The following NECAB1 variants were observed in gnomAD, a reference collection of about 807,000 sequenced individuals.
The protein encoded by NECAB1 is N-terminal EF-hand calcium binding protein 1, also known as N-terminal EF-hand calcium-binding protein 1.
NECAB1 carries 29 observed loss-of-function variants against 57.5 expected under a neutral mutation model. The observed-to-expected ratio is 0.50, with a 90% CI of 0.38 to 0.69. The LOEUF is 0.69. Ranked by LOEUF, NECAB1 falls within the 30% of genes least tolerant of loss-of-function variation. NECAB1 has a pLI of 0.00. For synonymous variants in NECAB1, 142 were observed against 147.7 expected (o/e 0.96, Z 0.28); for missense variants, 372 against 413.8 (o/e 0.90, Z 0.88).
At chr8:90,800,670 A>G (rs1047957395) in intron 1 of NECAB1, among the ~76,000 whole-genome samples, 3 of 152,218 alleles carry the variant, frequency 2.0e-5, no homozygotes, top group Non-Finnish European at 4.4e-5. Flanking sequence ...TCCAATAACA[A>G]AACGAATGAC....
intron 5 of NECAB1, among the ~76,000 whole-genome samples, chr8:90,888,959 G>A (rs939134821): frequency 3.3e-5 from 5 of 152,096 alleles, no homozygotes; most frequent in African/African-American, 7.2e-5. Flanking sequence ...TTTCTGTTAT[G>A]GATCATACTC....
intron 5 of NECAB1, among the ~76,000 whole-genome samples, chr8:90,885,696 A>AT (rs977066786): frequency 1.9e-4 from 29 of 151,876 alleles, no homozygotes; most frequent in African/African-American, 4.6e-4. Flanking sequence ...TTCTCGTTTA[A>AT]TTTTTTTTTA....
intron 3 of NECAB1, among the ~76,000 whole-genome samples, chr8:90,868,897 A>G (rs2129836077): frequency 6.6e-6 from 1 of 152,298 alleles, no homozygotes; most frequent in South Asian, 2.1e-4. Context: ...TATTTCAGAG[A>G]CCTTTGTGGC....
At chr8:90,815,869 T>C (rs2129685272) in intron 2 of NECAB1, among the ~76,000 whole-genome samples, 1 of 152,128 alleles carries the variant, frequency 6.6e-6, no homozygotes, top group East Asian at 1.9e-4. Flanking sequence ...TGAACAAAGC[T>C]GTGATATACA....
intron 3 of NECAB1, among the ~76,000 whole-genome samples, chr8:90,825,489 A>T (rs1563497772): frequency 6.6e-6 from 1 of 151,894 alleles, no homozygotes; most frequent in Non-Finnish European, 1.5e-5. Context: ...ACCAAATCAG[A>T]TTATTTGTGA....
In NECAB1 at chr8:90,862,703, G is replaced by A. The variant is rs1450277629; in HGVS notation, c.234-9425G>A. 4.0e-5 allele frequency among the ~76,000 whole-genome samples: 6 copies of A among 149,692 alleles called. No individual in the cohort carries two copies. The East Asian group carries it at 1.2e-3, about 30-fold the overall frequency. On this transcript the variant is annotated intron_variant, in intron 3 of 12. Transcript: ENST00000417640. ...TTTTAAAATATAAGATCACTAACAA[G>A]CCATATTTTGAGGGGATAAATTAAT...
chr8:90,937,576 T>A (rs1810567743), intron 9 of NECAB1, among the ~76,000 whole-genome samples: 3 of 152,222 alleles, frequency 2.0e-5, no homozygotes, highest in African/African-American at 7.2e-5. Flanking sequence ...AAATGATTTA[T>A]AACAAGCATA....
intron 1 of NECAB1, among the ~76,000 whole-genome samples, chr8:90,800,824 G>T (rs1811746356): frequency 6.6e-6 from 1 of 152,084 alleles, no homozygotes; most frequent in Non-Finnish European, 1.5e-5. Context: ...TGACCAGAGG[G>T]ATATGACACC....
intron 6 of NECAB1, among the ~76,000 whole-genome samples, chr8:90,920,310 C>T (rs534206515): frequency 1.2e-4 from 19 of 152,196 alleles, no homozygotes; most frequent in African/African-American, 3.4e-4. Flanking sequence ...GATTTATGCC[C>T]GTAATATCTG....
At chr8:90,872,070 C>T (rs779216350) in intron 3 of NECAB1, 58 bp from the exon 4 acceptor site, 144 of 1,326,558 alleles carry the variant, frequency 1.1e-4, no homozygotes, top group African/African-American at 2.4e-4. Context: ...TATTTAAAAA[C>T]GTAGTTAAAA....
intron 6 of NECAB1, among the ~76,000 whole-genome samples, chr8:90,923,112 A>G (rs1810168835): frequency 6.6e-6 from 1 of 152,158 alleles, no homozygotes; most frequent in Admixed American, 6.5e-5. Context: ...AAAGCTCAAG[A>G]CTTGGCTGTA....
At chr8:90,792,267 A>G (rs1218229231) in intron 1 of NECAB1, among the ~76,000 whole-genome samples, 1 of 152,178 alleles carries the variant, frequency 6.6e-6, no homozygotes, top group Non-Finnish European at 1.5e-5. Flanking sequence ...AACAGACAAC[A>G]TTTGAGTGCA....
chr8:90,872,192 C>A, intron 4 of NECAB1, 39 bp downstream of exon 4: 3 of 1,479,494 alleles, frequency 2.0e-6, no homozygotes, highest in Non-Finnish European at 1.8e-6. Flanking sequence ...CTATTACTTG[C>A]TTAAGAAGGA....
At chr8:90,938,693 T>A (rs1421461441) in intron 9 of NECAB1, among the ~76,000 whole-genome samples, 1 of 152,178 alleles carries the variant, frequency 6.6e-6, no homozygotes, top group Non-Finnish European at 1.5e-5. Flanking sequence ...AAAAGATACA[T>A]CTGGTTTGGG....
At chr8:90,809,726 T>C (rs1445954395) in intron 2 of NECAB1, among the ~76,000 whole-genome samples, 1 of 152,196 alleles carries the variant, frequency 6.6e-6, no homozygotes, top group Non-Finnish European at 1.5e-5. Flanking sequence ...TTGGTTACTT[T>C]TAGTTATGAG....
At chr8:90,840,040 T>G (rs1359270397) in intron 3 of NECAB1, among the ~76,000 whole-genome samples, 1 of 152,208 alleles carries the variant, frequency 6.6e-6, no homozygotes, top group African/African-American at 2.4e-5. Flanking sequence ...TGATTTTGCC[T>G]AAATCTTTCT....
At chr8:90,890,120 G>A (rs1370844965) in intron 5 of NECAB1, among the ~76,000 whole-genome samples, 1 of 152,080 alleles carries the variant, frequency 6.6e-6, no homozygotes, top group Non-Finnish European at 1.5e-5. Context: ...TTCTAATGTG[G>A]TTTGGCTGTG....
At chr8:90,917,762 T>C (rs1349871469) in intron 6 of NECAB1, 134 bp downstream of exon 6, 1 of 767,324 alleles carries the variant, frequency 1.3e-6, no homozygotes. Flanking sequence ...GACAGTGACC[T>C]CCACTGGTTG....
intron 2 of NECAB1, among the ~76,000 whole-genome samples, chr8:90,803,541 C>T (rs1035672441): frequency 2.0e-5 from 3 of 152,170 alleles, no homozygotes; most frequent in Non-Finnish European, 2.9e-5. Flanking sequence ...CAAAACAATG[C>T]ACATGATTCA....
Sources: allele counts gnomAD v4.1 joint callset (sites outside exome capture counted in the v4.1 genomes callset), GRCh38; gene constraint gnomAD v4.1.1; transcripts MANE v1.5; gene names NCBI Gene and HGNC (gene_info 2026-07-23, HGNC 2026-07-21).